The following PPARG variants were observed in gnomAD, a reference collection of about 807,000 sequenced individuals.
PPARG encodes peroxisome proliferator activated receptor gamma, also known as peroxisome proliferator-activated receptor gamma.
Under a neutral mutation model 39.2 loss-of-function variants are expected in PPARG, and 17 were observed. The ratio of observed to expected loss-of-function variants is 0.43; its 90% confidence interval spans 0.30 to 0.65. The LOEUF (loss-of-function observed/expected upper bound fraction) is 0.65, where lower values mean the gene tolerates loss of function less well. Ranked by LOEUF, PPARG falls within the 30% of genes least tolerant of loss-of-function variation. The pLI is 0.13. For synonymous variants in PPARG, 223 were observed against 215.7 expected, an observed-to-expected ratio of 1.03 and a Z score of -0.30; for missense variants, 406 against 585.9, an observed-to-expected ratio of 0.69 and a Z score of 3.17.
rs541074603 is a variant in PPARG, at chr3:12,304,699, A to G, written c.-82-7681A>G. ...ATTACACAGTATTTACCCAATAAAT[A>G]TTTATTGAATATTGTTGAATGAATG... On this transcript the variant is annotated intron_variant, in intron 1 of 7. Transcript: ENST00000651735. Among the ~76,000 whole-genome samples, 344 of 152,342 alleles carry G rather than the reference A, an allele frequency of 2.3e-3. 2 individuals carry two copies. The highest frequency in any genetic ancestry group is 7.6e-3 in the African/African-American group (317 of 41,582).
intron 5 of PPARG, among the ~76,000 whole-genome samples, chr3:12,401,080 G>A (rs2125239615): frequency 6.6e-6 from 1 of 152,258 alleles, no homozygotes; most frequent in South Asian, 2.1e-4. Context: ...ACTTGTATAT[G>A]AGTACACTCA....
At chr3:12,306,091 C>G (rs1343649389) in intron 1 of PPARG, 1 of 152,212 alleles carries the variant, frequency 6.6e-6, no homozygotes, top group East Asian at 1.9e-4. Flanking sequence ...GCACCAGGGA[C>G]TGGTTTCATG....
rs2049580387 is a variant in PPARG, at chr3:12,379,945, T to G, written c.220+14T>G. On this transcript the variant is annotated intron_variant, in intron 3 of 7. Transcript: ENST00000651735. ...AAGAGTACCAAAGTATGATGTTTAT[T>G]TTCACTTTTCAGACTACTAGGACTA... The G allele has an allele frequency of 6.4e-7, 1 of 1,569,360 alleles. No individual in the cohort carries two copies. The highest frequency in any genetic ancestry group is 8.8e-7 in the Non-Finnish European group (1 of 1,139,572).
intron 2 of PPARG, among the ~76,000 whole-genome samples, chr3:12,373,009 G>T (rs1559512519): frequency 2.6e-5 from 4 of 152,184 alleles, no homozygotes; most frequent in Non-Finnish European, 5.9e-5. Context: ...AGGGAGTTAA[G>T]ACATGTTCTT....
chr3:12,345,978 A>G (rs1473713074), intron 2 of PPARG, among the ~76,000 whole-genome samples: 1 of 152,230 alleles, frequency 6.6e-6, no homozygotes, highest in Non-Finnish European at 1.5e-5. Flanking sequence ...AATATAGTTC[A>G]TGGTATTTTA....
intron 2 of PPARG, among the ~76,000 whole-genome samples, chr3:12,335,235 CAG>C (rs2047977235): frequency 6.6e-6 from 1 of 152,156 alleles, no homozygotes; most frequent in Admixed American, 6.5e-5. Flanking sequence ...CAGACCTTGT[CAG>C]AGTTGGTAGT....
intron 4 of PPARG, among the ~76,000 whole-genome samples, chr3:12,391,270 T>C (rs751153625): frequency 1.3e-5 from 2 of 152,074 alleles, no homozygotes; most frequent in Non-Finnish European, 2.9e-5. Flanking sequence ...AAATAAACAC[T>C]AAAACAATAA....
At chr3:12,399,401 A>G (rs2050384656) in intron 5 of PPARG, 1 of 456,398 alleles carries the variant, frequency 2.2e-6, no homozygotes, top group Non-Finnish European at 4.4e-6. Context: ...AACCTCCAGC[A>G]GGCACAAGTT....
chr3:12,383,260 A>G (rs2049751785), intron 4 of PPARG, among the ~76,000 whole-genome samples: 1 of 152,160 alleles, frequency 6.6e-6, no homozygotes, highest in Non-Finnish European at 1.5e-5. Context: ...ACACTCTGGC[A>G]AGAGATGCTT....
At chr3:12,385,965 TTGTC>T (rs913111307) in intron 4 of PPARG, among the ~76,000 whole-genome samples, 136 of 152,292 alleles carry the variant, frequency 8.9e-4, no homozygotes, top group African/African-American at 3.2e-3. Flanking sequence ...TATGAAAAAT[TTGTC>T]TGTTACTTTC....
intron 2 of PPARG, among the ~76,000 whole-genome samples, chr3:12,352,469 C>A (rs1291292656): frequency 6.6e-6 from 1 of 152,180 alleles, no homozygotes; most frequent in Non-Finnish European, 1.5e-5. Context: ...ATAGCTCCTT[C>A]TACTGGAGTT....
intron 4 of PPARG, among the ~76,000 whole-genome samples, chr3:12,385,055 T>C (rs2049822009): frequency 6.6e-6 from 1 of 152,130 alleles, no homozygotes; most frequent in Non-Finnish European, 1.5e-5. Flanking sequence ...ACTGCTGCAT[T>C]AGACCAGTGG....
chr3:12,339,711 G>A (rs565177798), intron 2 of PPARG, among the ~76,000 whole-genome samples: 1 of 152,186 alleles, frequency 6.6e-6, no homozygotes, highest in Admixed American at 6.5e-5. Context: ...TTTTTGCTTT[G>A]GTTTCCCCAT....
Position 12,412,080 on chromosome 3 carries a change from A to G in PPARG, c.730-4624A>G, listed in dbSNP as rs1211792286. On this transcript the variant is annotated intron_variant, in intron 6 of 7. Coordinates refer to ENST00000651735, the MANE Select transcript of PPARG (RefSeq NM_138711.6). Reference sequence around the variant, plus strand: ...GTTGACTACACTCATTCAATCTGCCAAATTAGAAAAGTCACCCAGAATACC... The same window carrying G: ...GTTGACTACACTCATTCAATCTGCCGAATTAGAAAAGTCACCCAGAATACC... Among the ~76,000 whole-genome samples, 5 of 152,194 alleles carry G rather than the reference A, an allele frequency of 3.3e-5. No homozygotes were observed. In the South Asian group the frequency reaches 1.0e-3, roughly 32 times the overall value.
At chr3:12,348,309 T>C (rs2048383837) in intron 2 of PPARG, among the ~76,000 whole-genome samples, 1 of 152,224 alleles carries the variant, frequency 6.6e-6, no homozygotes, top group Admixed American at 6.5e-5. Context: ...ACAGCTTTTA[T>C]TGGTTGAATT....
intron 2 of PPARG, among the ~76,000 whole-genome samples, chr3:12,320,637 G>A (rs1338386843): frequency 6.6e-6 from 1 of 152,204 alleles, no homozygotes; most frequent in East Asian, 1.9e-4. Context: ...CAGTTTGGGA[G>A]GCCCAGGTGG....
rs1051677306 is a variant in PPARG at position 12,405,875 on chromosome 3, T to A, written c.530-7T>A. 6.2e-7 allele frequency: 1 copy of A among 1,612,516 alleles called. No homozygotes were observed. The highest frequency in any genetic ancestry group is 1.3e-5 in the African/African-American group (1 of 74,874). On this transcript the variant is annotated splice_polypyrimidine_tract_variant and splice_region_variant and intron_variant, in intron 5 of 7. Coordinates refer to ENST00000651735, the MANE Select transcript of PPARG (RefSeq NM_138711.6). ...TGATTCATCCTGTCATTCCTCTTCC[T>A]CTATAGCCATCAGGTTTGGGCGGAT...
At chr3:12,309,615 T>C (rs1559488011) in intron 1 of PPARG, among the ~76,000 whole-genome samples, 1 of 152,238 alleles carries the variant, frequency 6.6e-6, no homozygotes, top group Non-Finnish European at 1.5e-5. Flanking sequence ...CATCTCTTCC[T>C]TGAAAGCTTT....
At chr3:12,354,652 C>A (rs908801625) in intron 2 of PPARG, among the ~76,000 whole-genome samples, 15 of 150,696 alleles carry the variant, frequency 1.0e-4, no homozygotes, top group Non-Finnish European at 1.2e-4. Flanking sequence ...ACTCAGGAGG[C>A]TGAGGTAGGA....
Sources: allele counts gnomAD v4.1 joint callset (sites outside exome capture counted in the v4.1 genomes callset), GRCh38; gene constraint gnomAD v4.1.1; transcripts MANE v1.5; gene names NCBI Gene and HGNC (gene_info 2026-07-23, HGNC 2026-07-21).